Variants in FCHSD2 observed in about 807,000 individuals in gnomAD.
FCHSD2 encodes FCH and double SH3 domains 2, also known as F-BAR and double SH3 domains protein 2.
A neutral mutation model predicts 108.1 loss-of-function variants in FCHSD2; 38 were observed. That is an observed-to-expected ratio of 0.35 (90% CI 0.27 to 0.46). FCHSD2 has a LOEUF of 0.46. Ranked by LOEUF, FCHSD2 falls within the 20% of genes least tolerant of loss-of-function variation. The pLI, the probability that FCHSD2 is intolerant of heterozygous loss-of-function variation, is 1.00. For missense variants in FCHSD2, 751 were observed against 897.8 expected (o/e 0.84, Z 2.09); for synonymous variants, 279 against 314.7 (o/e 0.89, Z 1.20).
intron 5 of FCHSD2, among the ~76,000 whole-genome samples, 163 bp downstream of exon 5, chr11:73,000,827 A>G (rs1857611792): frequency 6.6e-6 from 1 of 152,234 alleles, no homozygotes; most frequent in South Asian, 2.1e-4. Flanking sequence ...AATAAAACAT[A>G]GTACTTAATG....
chr11:72,961,919 GA>G (rs1856825240), intron 8 of FCHSD2, among the ~76,000 whole-genome samples: 1 of 152,114 alleles, frequency 6.6e-6, no homozygotes. Flanking sequence ...TTCGTAACAA[GA>G]AAGCTCTTGG....
intron 3 of FCHSD2, among the ~76,000 whole-genome samples, chr11:73,078,523 A>G (rs1442868709): frequency 1.3e-5 from 2 of 152,228 alleles, no homozygotes; most frequent in African/African-American, 4.8e-5. Context: ...AACAACATGC[A>G]TGAAGCTTAA....
intron 13 of FCHSD2, among the ~76,000 whole-genome samples, chr11:72,851,787 T>G (rs1344943368): frequency 6.6e-6 from 1 of 151,740 alleles, no homozygotes; most frequent in East Asian, 1.9e-4. Context: ...AAAAATAAAG[T>G]TCGTGAAGTA....
intron 3 of FCHSD2, among the ~76,000 whole-genome samples, chr11:73,017,274 T>C (rs769151065): frequency 4.6e-5 from 7 of 152,172 alleles, no homozygotes; most frequent in Non-Finnish European, 7.4e-5. Context: ...TCACCAAACC[T>C]GGCCAACGTA....
chr11:73,017,968 T>C (rs962415322), intron 3 of FCHSD2, among the ~76,000 whole-genome samples: 1 of 152,326 alleles, frequency 6.6e-6, no homozygotes, highest in South Asian at 2.1e-4. Context: ...TCTGGTTATA[T>C]TGAGATACAG....
At chr11:73,032,420 C>T (rs1265015109) in intron 3 of FCHSD2, among the ~76,000 whole-genome samples, 3 of 151,934 alleles carry the variant, frequency 2.0e-5, no homozygotes, top group African/African-American at 7.3e-5. Flanking sequence ...GAGACAGGGT[C>T]TCACTTTATT....
chr11:73,052,669 T>C (rs1858929309), intron 3 of FCHSD2, among the ~76,000 whole-genome samples: 1 of 152,180 alleles, frequency 6.6e-6, no homozygotes, highest in Admixed American at 6.5e-5. Context: ...GTTTTAAAGG[T>C]GTGAATTGGA....
At chr11:72,858,167 CT>C (rs1861474332) in intron 13 of FCHSD2, among the ~76,000 whole-genome samples, 1 of 152,214 alleles carries the variant, frequency 6.6e-6, no homozygotes, top group Admixed American at 6.5e-5. Context: ...AGGAAGACAG[CT>C]CCTCAATATT....
chr11:73,135,410 T>C (rs529698035), intron 2 of FCHSD2, among the ~76,000 whole-genome samples: 1 of 152,348 alleles, frequency 6.6e-6, no homozygotes, highest in East Asian at 1.9e-4. Context: ...TTCCATATTA[T>C]AGACCTCCTT....
chr11:72,992,833 A>G lies in FCHSD2; in HGVS notation c.388-3736T>C, dbSNP rs1456716638. Among the ~76,000 whole-genome samples the G allele has an allele frequency of 3.9e-5, 6 of 152,364 alleles. 1 individual carries two copies. The highest frequency in any genetic ancestry group is 1.4e-4 in the African/African-American group (6 of 41,588). The stretch of plus-strand genomic sequence containing the variant: ...GAAGAAAAGCTAGGCAATACCATTC[A>G]GGACACAGGCATAGGCAAGGACTTC... On this transcript the variant is annotated intron_variant, in intron 5 of 19. Coordinates refer to ENST00000409418, the MANE Select transcript of FCHSD2 (RefSeq NM_014824.3).
At chr11:73,013,116 A>G (rs1288878480) in intron 4 of FCHSD2, among the ~76,000 whole-genome samples, 4 of 152,056 alleles carry the variant, frequency 2.6e-5, no homozygotes, top group African/African-American at 4.8e-5. Context: ...AAAAAAGCAA[A>G]CTCTATACTG....
At chr11:73,034,796 C>G (rs1858447714) in intron 3 of FCHSD2, among the ~76,000 whole-genome samples, 2 of 152,150 alleles carry the variant, frequency 1.3e-5, no homozygotes, top group South Asian at 4.2e-4. Context: ...TGAATTTTGA[C>G]CAGAACTTCG....
At chr11:73,071,237 T>C (rs1859428300) in intron 3 of FCHSD2, among the ~76,000 whole-genome samples, 1 of 152,118 alleles carries the variant, frequency 6.6e-6, no homozygotes, top group South Asian at 2.1e-4. Flanking sequence ...TTACAAAAAC[T>C]AGTCAAATTC....
At chr11:72,960,159 CAT>C (rs899386101) in intron 8 of FCHSD2, among the ~76,000 whole-genome samples, 12 of 152,094 alleles carry the variant, frequency 7.9e-5, no homozygotes, top group Non-Finnish European at 1.3e-4. Flanking sequence ...AGCTTACAGT[CAT>C]AGTGGAAGGC....
intron 4 of FCHSD2, among the ~76,000 whole-genome samples, chr11:73,003,643 C>T (rs1000285641): frequency 2.0e-5 from 3 of 151,284 alleles, no homozygotes; most frequent in Non-Finnish European, 2.9e-5. Context: ...CCCGCCACTA[C>T]GCCCGGCTAA....
intron 3 of FCHSD2, among the ~76,000 whole-genome samples, chr11:73,017,814 T>C (rs1040232677): frequency 1.3e-5 from 2 of 152,222 alleles, no homozygotes; most frequent in African/African-American, 4.8e-5. Context: ...TTAAATTTCC[T>C]AACGTAAACA....
chr11:72,984,626 C>G (rs796907309), intron 7 of FCHSD2, among the ~76,000 whole-genome samples: 2 of 152,200 alleles, frequency 1.3e-5, no homozygotes, highest in African/African-American at 4.8e-5. Flanking sequence ...AGTTTGAAGC[C>G]TGGCAGCCAC....
chr11:72,903,669 G>A (rs1440553177), intron 9 of FCHSD2, among the ~76,000 whole-genome samples: 1 of 151,650 alleles, frequency 6.6e-6, no homozygotes, highest in Non-Finnish European at 1.5e-5. Flanking sequence ...TTTCTATTTT[G>A]CTACCATATC....
intron 8 of FCHSD2, among the ~76,000 whole-genome samples, chr11:72,961,043 G>A (rs1170669397): frequency 6.6e-6 from 1 of 152,172 alleles, no homozygotes; most frequent in Admixed American, 6.5e-5. Context: ...ACACACATGT[G>A]AGGCTGCCTT....
Sources: gnomAD v4.1 joint callset for allele counts (sites outside exome capture counted in the v4.1 genomes callset) on GRCh38, gnomAD v4.1.1 for gene constraint, MANE v1.5 for transcripts, NCBI Gene and HGNC (gene_info 2026-07-23, HGNC 2026-07-21) for gene names.